APPL2: variants seen among roughly 807,000 people sequenced by gnomAD.
The protein encoded by APPL2 is adaptor protein, phosphotyrosine interacting with PH domain and leucine zipper 2.
A neutral mutation model predicts 92.7 loss-of-function variants in APPL2; 84 were observed. The ratio of observed to expected loss-of-function variants is 0.91; its 90% CI spans 0.76 to 1.09. The LOEUF (loss-of-function observed/expected upper bound fraction) is 1.09. Ranked by LOEUF, APPL2 falls within the 50% of genes least tolerant of loss-of-function variation. The pLI is 0.00. For missense variants in APPL2, 736 were observed against 824.5 expected (o/e 0.89, Z 1.31); for synonymous variants, 291 against 291.0 (o/e 1.00, Z 0.00).
chr12:105,221,760 G>A (rs1592830195), intron 2 of APPL2, among the ~76,000 whole-genome samples: 1 of 152,240 alleles, frequency 6.6e-6, no homozygotes, highest in Non-Finnish European at 1.5e-5. Flanking sequence ...AGGGTTTGCT[G>A]ACAGCATCTC....
At chr12:105,235,815 A>C in intron 1 of APPL2, 144 bp downstream of exon 1, 1 of 539,230 alleles carries the variant, frequency 1.9e-6, no homozygotes. Context: ...CCTCAGCCCG[A>C]GAGAACCCGG....
chr12:105,207,410 C>T lies in APPL2; in HGVS notation c.475-203G>A, dbSNP rs549893807. On this transcript the variant is annotated intron_variant, in intron 7 of 20. Coordinates refer to ENST00000258530, the MANE Select transcript of APPL2 (RefSeq NM_018171.5). ...AACAGCATCTCAGTGCTTGTGAGGC[C>T]GCGGTGAGGTGAAGCCTGTACCCTC... 1.0e-3 allele frequency among the ~76,000 whole-genome samples: 152 copies of T among 152,112 alleles called. 1 individual carries two copies. The highest frequency in any genetic ancestry group is 1.3e-3 in the Admixed American group (20 of 15,274).
intron 17 of APPL2, among the ~76,000 whole-genome samples, chr12:105,178,697 C>T (rs979789183): frequency 2.0e-5 from 3 of 152,162 alleles, no homozygotes; most frequent in African/African-American, 7.2e-5. Context: ...ACAACTGGTT[C>T]ATCTGTAAAA....
chr12:105,227,872 ATAAAAGCCCC>A (rs1890638531), intron 2 of APPL2, among the ~76,000 whole-genome samples: 1 of 152,240 alleles, frequency 6.6e-6, no homozygotes, highest in African/African-American at 2.4e-5. Context: ...AATAATCAAC[ATAAAAGCCCC>A]TGGAAGTTCC....
chr12:105,196,198 C>T (rs1435320306), intron 11 of APPL2, among the ~76,000 whole-genome samples: 4 of 152,090 alleles, frequency 2.6e-5, no homozygotes, highest in Admixed American at 6.6e-5. Context: ...AGGCGGGACT[C>T]GGATCTTCTA....
At chr12:105,185,602 A>T (rs1276806273) in intron 17 of APPL2, among the ~76,000 whole-genome samples, 1 of 151,900 alleles carries the variant, frequency 6.6e-6, no homozygotes, top group East Asian at 1.9e-4. Flanking sequence ...TCCCAGTGAG[A>T]TAAGCTGGGT....
chr12:105,208,852 CCCA>C (rs929312938), intron 5 of APPL2, among the ~76,000 whole-genome samples: 4 of 152,168 alleles, frequency 2.6e-5, no homozygotes, highest in Admixed American at 2.6e-4. Flanking sequence ...AACTTAAAAA[CCCA>C]ACGATTGATA....
intron 17 of APPL2, among the ~76,000 whole-genome samples, chr12:105,183,072 T>A (rs1886266243): frequency 1.4e-4 from 1 of 7,172 alleles, no homozygotes; most frequent in Non-Finnish European, 3.6e-4. Context: ...AACCCCTGCT[T>A]TTTTTTTTTT....
chr12:105,190,268 T>C, intron 14 of APPL2, 113 bp from the exon 15 acceptor site: 1 of 1,149,620 alleles, frequency 8.7e-7, no homozygotes. Context: ...AAGATTGACC[T>C]CAATCCCTTA....
At chr12:105,220,803 C>G (rs993149930) in intron 2 of APPL2, among the ~76,000 whole-genome samples, 7 of 152,242 alleles carry the variant, frequency 4.6e-5, no homozygotes, top group African/African-American at 1.7e-4. Context: ...CACAGCCACA[C>G]AGCTCCACCT....
rs112527494 is a variant in APPL2, at chr12:105,188,289, T to C, written c.1618A>G (p.Thr540Ala). 1 of 1,614,134 alleles carries C rather than the reference T, an allele frequency of 6.2e-7. No homozygotes were observed. Among genetic ancestry groups the C allele is most frequent in the East Asian group, 2.2e-5 (1 of 44,880 alleles). The change falls in exon 17 of 21, where the codon ACC becomes GCC. Residue 540 changes from threonine to alanine, a missense_variant. By Grantham distance (58) the Thr-to-Ala change is moderately conservative. Transcript: ENST00000258530. ...FRMTESHLMVTSQSLRLIDPQ... is the reference protein window; with the variant it reads ...FRMTESHLMVASQSLRLIDPQ... ...TGAACGTACCTCAAAGATTGACTGG[T>C]GACCATCAGATGGGATTCTGTCATG...
intron 1 of APPL2, chr12:105,229,651 G>C (rs1479122283): frequency 1.0e-6 from 1 of 990,368 alleles, no homozygotes; most frequent in Non-Finnish European, 1.2e-6. Context: ...ATCTAGCACA[G>C]CTGTAGTGTG....
At chr12:105,206,332 G>A (rs1051693356) in intron 8 of APPL2, among the ~76,000 whole-genome samples, 5 of 151,628 alleles carry the variant, frequency 3.3e-5, no homozygotes, top group Admixed American at 3.3e-4. Flanking sequence ...TGTCAACTGA[G>A]AGAAGATTCC....
rs1228739505 is a variant in APPL2 at position 105,207,153 on chromosome 12, A to G, written c.529T>C (p.Ser177Pro). ...VAAARRKQHL[S>P]SLQYYCALNA... ...AGGGCACAGTAGTACTGAAGGGAGGAGAGGTGCTGCTTCCGCCGGGCCGCG... is the reference window on the plus strand; with the variant it reads ...AGGGCACAGTAGTACTGAAGGGAGGGGAGGTGCTGCTTCCGCCGGGCCGCG... The change falls in exon 8 of 21, where the codon TCC (serine) becomes CCC (proline). Residue 177 changes from serine (S) to proline (P), a missense_variant. Coordinates refer to ENST00000258530, the MANE Select transcript of APPL2 (RefSeq NM_018171.5). 4.3e-6 allele frequency: 7 copies of G among 1,613,986 alleles called. No individual in the cohort carries two copies. Among genetic ancestry groups the G allele is most frequent in the South Asian group, 2.2e-5 (2 of 91,074 alleles).
intron 1 of APPL2, among the ~76,000 whole-genome samples, chr12:105,233,994 C>T (rs534185013): frequency 4.1e-4 from 63 of 152,286 alleles, no homozygotes; most frequent in African/African-American, 1.5e-3. Context: ...AGTAAAGCTA[C>T]ATTAGGCACA....
At chr12:105,184,953 C>G (rs534460143) in intron 17 of APPL2, among the ~76,000 whole-genome samples, 1 of 152,308 alleles carries the variant, frequency 6.6e-6, no homozygotes, top group South Asian at 2.1e-4. Context: ...AGATGCCCTG[C>G]CCAGAGAGGA....
intron 20 of APPL2, among the ~76,000 whole-genome samples, chr12:105,174,877 G>T (rs535869863): frequency 0.015 from 352 of 23,550 alleles, 22 homozygotes; most frequent in African/African-American, 0.031. Flanking sequence ...TTTTTTTGGT[G>T]GGGGGGGGGG....
intron 17 of APPL2, 141 bp downstream of exon 17, chr12:105,188,128 GCTAT>G (rs906457766): frequency 3.7e-5 from 32 of 870,044 alleles, no homozygotes; most frequent in Middle Eastern, 3.7e-4. Context: ...CACTTTCTAG[GCTAT>G]CTATCTTATG....
chr12:105,184,201 A>C (rs796156115), intron 17 of APPL2, among the ~76,000 whole-genome samples: 12 of 152,286 alleles, frequency 7.9e-5, no homozygotes, highest in African/African-American at 2.2e-4. Flanking sequence ...ATTGGGTTAG[A>C]ACATGCTCCT....
Sources: gnomAD v4.1 joint callset for allele counts (sites outside exome capture counted in the v4.1 genomes callset) on GRCh38, gnomAD v4.1.1 for gene constraint, MANE v1.5 for transcripts, NCBI Gene and HGNC (gene_info 2026-07-23, HGNC 2026-07-21) for gene names.